DGKI: variants seen among roughly 807,000 people sequenced by gnomAD.
DGKI encodes diacylglycerol kinase iota.
DGKI carries 55 observed loss-of-function variants against 147.5 expected under a neutral mutation model. The ratio of observed to expected loss-of-function variants is 0.37; its 90% CI spans 0.30 to 0.47. The LOEUF (loss-of-function observed/expected upper bound fraction) is 0.47. Ranked by LOEUF, DGKI falls within the 20% of genes least tolerant of loss-of-function variation. The probability of loss-of-function intolerance (pLI) is 1.00; values close to 1 mark genes in which losing one functional copy is unlikely to be tolerated. For missense variants in DGKI, 1,007 were observed against 1,323.8 expected (o/e 0.76, Z 3.71); for synonymous variants, 469 against 477.1 (o/e 0.98, Z 0.22).
chr7:137,646,037 A>G (rs1014762121), intron 5 of DGKI, among the ~76,000 whole-genome samples: 4 of 152,206 alleles, frequency 2.6e-5, no homozygotes, highest in African/African-American at 7.2e-5. Flanking sequence ...TTGTGAACAC[A>G]GTAGAGGACC....
intron 1 of DGKI, among the ~76,000 whole-genome samples, chr7:137,703,615 T>G (rs547955253): frequency 6.6e-6 from 1 of 152,216 alleles, no homozygotes; most frequent in South Asian, 2.1e-4. Flanking sequence ...GTCCAATAAT[T>G]AGATCATTAG....
At chr7:137,705,150 G>T (rs903339615) in intron 1 of DGKI, among the ~76,000 whole-genome samples, 4 of 152,098 alleles carry the variant, frequency 2.6e-5, no homozygotes, top group Non-Finnish European at 5.9e-5. Context: ...ATATATTGTT[G>T]CTGGAAGAAT....
At chr7:137,600,078 G>A (rs939146011) in intron 10 of DGKI, among the ~76,000 whole-genome samples, 173 bp from the exon 11 acceptor site, 1 of 150,876 alleles carries the variant, frequency 6.6e-6, no homozygotes, top group African/African-American at 2.5e-5. Flanking sequence ...GAGCCCAGGA[G>A]TTTGAGACCA....
chr7:137,402,534 C>T (rs1268290565), intron 30 of DGKI, among the ~76,000 whole-genome samples: 3 of 152,228 alleles, frequency 2.0e-5, no homozygotes, highest in Admixed American at 6.5e-5. Flanking sequence ...CCCCAGCTCC[C>T]GCTGATGTGA....
At chr7:137,664,399 GA>G (rs1457181121) in intron 3 of DGKI, among the ~76,000 whole-genome samples, 1 of 118,868 alleles carries the variant, frequency 8.4e-6, no homozygotes, top group Admixed American at 8.0e-5. Context: ...AAAAAAAAAA[GA>G]AAGAAAGAAA....
intron 14 of DGKI, among the ~76,000 whole-genome samples, chr7:137,583,771 T>A (rs1159731718): frequency 6.6e-6 from 1 of 152,142 alleles, no homozygotes; most frequent in African/African-American, 2.4e-5. Flanking sequence ...CTTTATACTT[T>A]AGCTGTTTTC....
At chr7:137,723,430 A>G (rs1051469634) in intron 1 of DGKI, among the ~76,000 whole-genome samples, 2 of 152,154 alleles carry the variant, frequency 1.3e-5, no homozygotes, top group African/African-American at 2.4e-5. Context: ...TCAAAAACCA[A>G]TTCCCTTGGT....
At chr7:137,486,912 C>CA (rs958780834) in intron 22 of DGKI, among the ~76,000 whole-genome samples, 23 of 151,586 alleles carry the variant, frequency 1.5e-4, no homozygotes, top group Non-Finnish European at 2.2e-4. Context: ...CATCTTTCAT[C>CA]AAAAAAAATG....
intron 3 of DGKI, among the ~76,000 whole-genome samples, chr7:137,664,136 G>A (rs563895834): frequency 6.6e-6 from 1 of 152,108 alleles, no homozygotes; most frequent in Non-Finnish European, 1.5e-5. Context: ...CAGAACTTTG[G>A]GAGACCGAGG....
intron 28 of DGKI, among the ~76,000 whole-genome samples, chr7:137,433,634 T>C (rs1348590303): frequency 6.6e-6 from 1 of 152,234 alleles, no homozygotes; most frequent in Admixed American, 6.5e-5. Flanking sequence ...CAAAGTAAAC[T>C]TTTAACAATA....
At chr7:137,677,140 T>C (rs1243274983) in intron 3 of DGKI, among the ~76,000 whole-genome samples, 1 of 152,220 alleles carries the variant, frequency 6.6e-6, no homozygotes, top group Non-Finnish European at 1.5e-5. Flanking sequence ...TCCAATTCCA[T>C]GCAATTATAC....
intron 6 of DGKI, among the ~76,000 whole-genome samples, chr7:137,624,902 G>A (rs572970374): frequency 4.6e-5 from 7 of 151,570 alleles, no homozygotes; most frequent in Middle Eastern, 3.4e-3. Context: ...CATCTCGCCC[G>A]GCCTTCTCTC....
intron 1 of DGKI, among the ~76,000 whole-genome samples, chr7:137,804,669 A>G (rs1219060988): frequency 6.6e-6 from 1 of 152,232 alleles, no homozygotes; most frequent in Non-Finnish European, 1.5e-5. Context: ...ACAAGCTTGG[A>G]TGGGCACAGG....
intron 10 of DGKI, among the ~76,000 whole-genome samples, chr7:137,602,159 G>A (rs896146019): frequency 1.3e-4 from 20 of 152,286 alleles, no homozygotes; most frequent in Admixed American, 3.9e-4. Flanking sequence ...TTGCTAGAAA[G>A]TTCTTTGTTC....
chr7:137,770,822 C>T lies in DGKI; in HGVS notation c.401+75640G>A, dbSNP rs982794367. On this transcript the variant is annotated intron_variant, in intron 1 of 32. Coordinates refer to ENST00000614521, the MANE Select transcript of DGKI (RefSeq NM_001321708.2). ...TGCTGGGATTACAGGCGTGAGCCACCGCGCCCGGCCCTCAGTGGGTTTTAA... is the reference window on the plus strand; with the variant it reads ...TGCTGGGATTACAGGCGTGAGCCACTGCGCCCGGCCCTCAGTGGGTTTTAA... 1.6e-4 allele frequency among the ~76,000 whole-genome samples: 8 copies of T among 48,630 alleles called. 2 individuals carry two copies. The highest frequency in any genetic ancestry group is 2.8e-4 in the Non-Finnish European group (8 of 29,036). 31.9% of individuals were successfully genotyped at this position (48,630 alleles called of 152,430 possible). A position where few individuals can be genotyped will look rare whatever the true frequency, so the allele number is the denominator to read the frequency against.
At chr7:137,564,643 T>G (rs28561942) in intron 19 of DGKI, among the ~76,000 whole-genome samples, 5,165 of 152,316 alleles carry the variant, frequency 0.034, 149 homozygotes, top group African/African-American at 0.074. Context: ...TGTAAGGACA[T>G]AATTGTCTGT....
At chr7:137,600,052 C>T (rs544566442) in intron 10 of DGKI, 147 bp from the exon 11 acceptor site, 18 of 662,088 alleles carry the variant, frequency 2.7e-5, no homozygotes, top group East Asian at 1.4e-4. Context: ...GGAAGGCTGA[C>T]GCAGGTGGAT....
At chr7:137,669,849 ATGT>A (rs1233018325) in intron 3 of DGKI, among the ~76,000 whole-genome samples, 2 of 152,168 alleles carry the variant, frequency 1.3e-5, no homozygotes, top group African/African-American at 4.8e-5. Context: ...CTACTTCAAA[ATGT>A]TGTTGTTATG....
At chr7:137,578,168 G>T in intron 16 of DGKI, 102 bp downstream of exon 16, 2 of 747,066 alleles carry the variant, frequency 2.7e-6, no homozygotes. Flanking sequence ...ATATAAATGA[G>T]ATGTATATGT....
Sources: gnomAD v4.1 joint callset for allele counts (sites outside exome capture counted in the v4.1 genomes callset) on GRCh38, gnomAD v4.1.1 for gene constraint, MANE v1.5 for transcripts, NCBI Gene and HGNC (gene_info 2026-07-23, HGNC 2026-07-21) for gene names.